The following NIBAN1 variants were observed in gnomAD, a reference collection of about 807,000 sequenced individuals.
NIBAN1 encodes niban apoptosis regulator 1.
In NIBAN1, 81 loss-of-function variants were observed where a neutral mutation model predicts 75.1. The observed-to-expected ratio is 1.08, with a 90% CI of 0.90 to 1.30. The LOEUF is 1.30. NIBAN1 is among the 50% of genes most tolerant of loss of function. NIBAN1 has a pLI of 0.00. For synonymous variants in NIBAN1, 436 were observed against 424.8 expected (o/e 1.03, Z -0.32); for missense variants, 1,133 against 1,128.1 (o/e 1.00, Z -0.06).
chr1:184,860,164 T>G (rs1399395377), intron 5 of NIBAN1, among the ~76,000 whole-genome samples: 1 of 150,846 alleles, frequency 6.6e-6, no homozygotes, highest in Non-Finnish European at 1.5e-5. Context: ...AGGACTAATA[T>G]AGGCCCAGAC....
chr1:184,947,104 G>A (rs1021268830), intron 1 of NIBAN1, among the ~76,000 whole-genome samples: 1 of 102,802 alleles, frequency 9.7e-6, no homozygotes, highest in Non-Finnish European at 2.1e-5. Flanking sequence ...GAAATGCATT[G>A]TTTCTCCTAC....
intron 9 of NIBAN1, among the ~76,000 whole-genome samples, chr1:184,813,396 AG>A (rs1317819438): frequency 1.3e-5 from 2 of 152,252 alleles, no homozygotes; most frequent in Non-Finnish European, 1.5e-5. Context: ...GTTAAAATAA[AG>A]ACATTTTGTC....
At chr1:184,954,233 G>T (rs1225505753) in intron 1 of NIBAN1, among the ~76,000 whole-genome samples, 1 of 152,170 alleles carries the variant, frequency 6.6e-6, no homozygotes, top group Non-Finnish European at 1.5e-5. Flanking sequence ...TTGGGAATTT[G>T]GTTATAGGTC....
At chr1:184,805,670 T>G (rs1270064878) in intron 11 of NIBAN1, among the ~76,000 whole-genome samples, 1 of 152,182 alleles carries the variant, frequency 6.6e-6, no homozygotes, top group Non-Finnish European at 1.5e-5. Context: ...GGACAGCTAA[T>G]ACGTGTTTGT....
intron 1 of NIBAN1, among the ~76,000 whole-genome samples, chr1:184,934,978 G>C (rs1305959834): frequency 1.3e-5 from 2 of 152,206 alleles, no homozygotes; most frequent in African/African-American, 4.8e-5. Context: ...GCTGAGACAG[G>C]AGGATCACTT....
At chr1:184,945,667 C>G (rs917087186) in intron 1 of NIBAN1, among the ~76,000 whole-genome samples, 1 of 152,146 alleles carries the variant, frequency 6.6e-6, no homozygotes, top group African/African-American at 2.4e-5. Flanking sequence ...TGATTTGCTA[C>G]TTTAACGGTC....
At chr1:184,878,595 C>T (rs1353466508) in intron 5 of NIBAN1, among the ~76,000 whole-genome samples, 1 of 152,120 alleles carries the variant, frequency 6.6e-6, no homozygotes, top group Non-Finnish European at 1.5e-5. Flanking sequence ...TATCGAGAAG[C>T]CAGATATACT....
chr1:184,868,679 G>C (rs1255375776), intron 5 of NIBAN1: 1 of 152,222 alleles, frequency 6.6e-6, no homozygotes, highest in Non-Finnish European at 1.5e-5. Flanking sequence ...GTCAAGTTCA[G>C]TAGGAAGTGA....
At chr1:184,974,170 C>A (rs1025911158) in intron 1 of NIBAN1, 132 bp downstream of exon 1, 3 of 937,848 alleles carry the variant, frequency 3.2e-6, no homozygotes, top group Non-Finnish European at 4.3e-6. Context: ...CTCGCGCGGG[C>A]GGGCTGCGGT....
At chr1:184,923,053 A>G (rs1657601212) in intron 1 of NIBAN1, among the ~76,000 whole-genome samples, 1 of 152,172 alleles carries the variant, frequency 6.6e-6, no homozygotes, top group Non-Finnish European at 1.5e-5. Flanking sequence ...TGCTGTGCAG[A>G]AGCCTTCTAA....
At chr1:184,860,664 T>C (rs1655792955) in intron 5 of NIBAN1, among the ~76,000 whole-genome samples, 1 of 152,222 alleles carries the variant, frequency 6.6e-6, no homozygotes. Flanking sequence ...GCACTGACAA[T>C]ACCTCTGTCC....
chr1:184,939,994 A>G (rs1331503636), intron 1 of NIBAN1, among the ~76,000 whole-genome samples: 1 of 152,242 alleles, frequency 6.6e-6, no homozygotes, highest in East Asian at 1.9e-4. Context: ...GAATATCTTC[A>G]GGAGAAAATA....
chr1:184,885,155 T>C (rs1030265945), intron 4 of NIBAN1, among the ~76,000 whole-genome samples: 4 of 152,152 alleles, frequency 2.6e-5, no homozygotes, highest in Admixed American at 2.6e-4. Context: ...TTCAAATGAT[T>C]CTCCTGCCTC....
At chr1:184,826,341 A>G (rs1654840815) in intron 6 of NIBAN1, among the ~76,000 whole-genome samples, 3 of 152,208 alleles carry the variant, frequency 2.0e-5, no homozygotes, top group Admixed American at 2.0e-4. Context: ...GGTGTTTAAG[A>G]GTAACCTAAC....
At position 184,796,064 on chromosome 1, in the gene NIBAN1, T is replaced by C. The variant is rs1415953397; in HGVS notation, c.1700A>G (p.Asn567Ser). ...IKEAAILKKH[N>S]LFEDNMALPS... is the part of the protein sequence containing the mutation. The stretch of plus-strand genomic sequence containing the variant: ...CAAGGCCATGTTATCTTCAAATAAG[T>C]TGTGTTTCTTCAAGATAGCAGCTTC... Residue 567 changes from asparagine to serine, a missense_variant, in exon 14 of 14, where the codon AAC (asparagine) becomes AGC (serine). Coordinates refer to ENST00000367511, the MANE Select transcript of NIBAN1 (RefSeq NM_052966.4). The C allele has an allele frequency of 1.3e-6, 2 of 1,566,716 alleles. No individual in the cohort carries two copies. The highest frequency in any genetic ancestry group is 1.7e-4 in the Middle Eastern group (1 of 5,894).
At chr1:184,940,617 G>A (rs533772579) in intron 1 of NIBAN1, among the ~76,000 whole-genome samples, 4 of 152,268 alleles carry the variant, frequency 2.6e-5, no homozygotes, top group African/African-American at 4.8e-5. Flanking sequence ...TGGGCTAGGG[G>A]GAGAACTAGT....
At chr1:184,813,570 A>G (rs1444189995) in intron 9 of NIBAN1, among the ~76,000 whole-genome samples, 1 of 152,260 alleles carries the variant, frequency 6.6e-6, no homozygotes, top group East Asian at 1.9e-4. Context: ...GAGATTTTAT[A>G]TAAGAGAGGA....
chr1:184,836,165 G>A (rs570423704), intron 5 of NIBAN1, among the ~76,000 whole-genome samples: 281 of 152,274 alleles, frequency 1.8e-3, no homozygotes, highest in African/African-American at 6.5e-3. Flanking sequence ...TCTCCACAAG[G>A]GGATTGTGAT....
intron 2 of NIBAN1, 125 bp from the exon 3 acceptor site, chr1:184,894,331 CT>C: frequency 2.0e-6 from 2 of 1,012,506 alleles, no homozygotes; most frequent in South Asian, 3.9e-5. Context: ...CCTGGGGAAA[CT>C]GTTGCTTCCT....
Sources: gnomAD v4.1 joint callset for allele counts (sites outside exome capture counted in the v4.1 genomes callset) on GRCh38, gnomAD v4.1.1 for gene constraint, MANE v1.5 for transcripts, NCBI Gene and HGNC (gene_info 2026-07-23, HGNC 2026-07-21) for gene names.